The following WASHC2A variants were observed in gnomAD, a reference collection of about 807,000 sequenced individuals.
The protein encoded by WASHC2A is WASH complex subunit FAM21A.
In WASHC2A, 82 loss-of-function variants were observed where a neutral mutation model predicts 140.3. That is an observed-to-expected ratio of 0.58 (90% CI 0.49 to 0.70). The LOEUF (loss-of-function observed/expected upper bound fraction) is 0.70, where lower values mean the gene tolerates loss of function less well. WASHC2A is among the 30% of genes least tolerant of loss of function. The pLI, the probability that WASHC2A is intolerant of heterozygous loss-of-function variation, is 0.00. For synonymous variants in WASHC2A, 340 were observed against 560.8 expected, an observed-to-expected ratio of 0.61 and a Z score of 5.56; for missense variants, 985 against 1,521.8, an observed-to-expected ratio of 0.65 and a Z score of 5.87.
At chr10:50,070,418 C>T (rs1837695708) in intron 3 of WASHC2A, among the ~76,000 whole-genome samples, 1 of 152,136 alleles carries the variant, frequency 6.6e-6, no homozygotes, top group Non-Finnish European at 1.5e-5. Context: ...GGTGTCCCAA[C>T]TTTCTGAATA....
Position 50,129,773 on chromosome 10 carries a change from A to G in WASHC2A, c.3442A>G (p.Thr1148Ala). 2.5e-6 allele frequency: 4 copies of G among 1,612,058 alleles called. No individual in the cohort carries two copies. The highest frequency in any genetic ancestry group is 2.5e-6 in the Non-Finnish European group (3 of 1,179,870). Residue 1148 changes from threonine to alanine, a missense_variant, in exon 29 of 31, where the codon ACA becomes GCA. Thr to Ala is a moderately conservative substitution (Grantham distance 58). Transcript: ENST00000282633. ...CACTGGATCTCAGTCTGTGGAGAGA[A>G]CAAAACCCAAGGCAAAGATAGCAGA... ...TGTGSQSVER[T>A]KPKAKIAENP...
At chr10:50,128,398 G>A (rs1564811543) in intron 28 of WASHC2A, among the ~76,000 whole-genome samples, 1 of 152,148 alleles carries the variant, frequency 6.6e-6, no homozygotes, top group African/African-American at 2.4e-5. Context: ...TGCACTCCCC[G>A]CACCAAGTTC....
At chr10:50,131,951 G>A (rs1424848445) in intron 30 of WASHC2A, among the ~76,000 whole-genome samples, 2 of 152,240 alleles carry the variant, frequency 1.3e-5, no homozygotes, top group Non-Finnish European at 2.9e-5. Flanking sequence ...AGTTTGGTGT[G>A]TATCCTTTCA....
chr10:50,072,351 C>A (rs551001062), intron 3 of WASHC2A, among the ~76,000 whole-genome samples: 59 of 152,124 alleles, frequency 3.9e-4, no homozygotes, highest in Non-Finnish European at 7.3e-4. Context: ...ACTTCCCAGA[C>A]CTTCTATAAG....
intron 19 of WASHC2A, among the ~76,000 whole-genome samples, chr10:50,108,889 GAAAAAAAAAAAA>G (rs1182148936): frequency 1.9e-4 from 14 of 75,646 alleles, no homozygotes; most frequent in African/African-American, 6.4e-4. Context: ...CTCGAAAAAG[GAAAAAAAAAAAA>G]AAAAAAAAAA....
Position 50,087,389 on chromosome 10 carries a change from AT to A in WASHC2A, c.732+69del, listed in dbSNP as rs1368191609. On this transcript the variant is annotated intron_variant, in intron 8 of 30. Coordinates refer to ENST00000282633, the MANE Select transcript of WASHC2A (RefSeq NM_001005751.3). ...ATTGAAGCATAGTATATATACTAATATTACTTTGGAATGATTTATGACCAAG... is the reference window on the plus strand; with the variant it reads ...ATTGAAGCATAGTATATATACTAATATACTTTGGAATGATTTATGACCAAG... The A allele has an allele frequency of 4.9e-5, 79 of 1,599,076 alleles. No homozygotes were observed. In the Admixed American group the frequency reaches 8.9e-4, roughly 18 times the overall value.
In WASHC2A at chr10:50,110,230, G is replaced by A; in HGVS notation, c.1999G>A (p.Glu667Lys). The change falls in exon 20 of 31, where the codon GAA becomes AAA. Residue 667 changes from glutamate to lysine, a missense_variant. By Grantham distance (56) the Glu-to-Lys change is moderately conservative. Coordinates refer to ENST00000282633, the MANE Select transcript of WASHC2A (RefSeq NM_001005751.3). ...KAVKKTSLFE[E>K]DEEDDLFAIA... ...TGTGAAAAAGACCAGTCTCTTTGAGGAAGACGAAGAAGATGATCTTTTTGC... is the reference window on the plus strand; with the variant it reads ...TGTGAAAAAGACCAGTCTCTTTGAGAAAGACGAAGAAGATGATCTTTTTGC... The A allele has an allele frequency of 1.9e-6, 3 of 1,611,898 alleles. No individual in the cohort carries two copies. Among genetic ancestry groups the A allele is most frequent in the Non-Finnish European group, 2.5e-6 (3 of 1,179,844 alleles).
chr10:50,077,669 A>G (rs536396726), intron 3 of WASHC2A, among the ~76,000 whole-genome samples: 1 of 152,202 alleles, frequency 6.6e-6, no homozygotes, highest in African/African-American at 2.4e-5. Flanking sequence ...AAAAAATTTT[A>G]ATTTCATTTC....
chr10:50,084,676 G>A (rs1289337909), intron 6 of WASHC2A, among the ~76,000 whole-genome samples: 10 of 148,988 alleles, frequency 6.7e-5, no homozygotes, highest in Non-Finnish European at 1.0e-4. Context: ...TGATCTGCCC[G>A]CCTCGGCCTC....
intron 3 of WASHC2A, among the ~76,000 whole-genome samples, chr10:50,074,484 A>G (rs1554877140): frequency 1.3e-5 from 2 of 151,582 alleles, no homozygotes; most frequent in Admixed American, 6.6e-5. Flanking sequence ...TACCAAAGTA[A>G]TCCCTGATCT....
intron 13 of WASHC2A, among the ~76,000 whole-genome samples, chr10:50,094,763 C>T (rs1332679150): frequency 5.3e-5 from 8 of 150,942 alleles, no homozygotes; most frequent in Admixed American, 3.3e-4. Context: ...CATGTTTTTG[C>T]GGTTCTTTTT....
At chr10:50,105,582 G>A (rs1253333289) in intron 18 of WASHC2A, among the ~76,000 whole-genome samples, 2 of 146,426 alleles carry the variant, frequency 1.4e-5, no homozygotes, top group Non-Finnish European at 3.0e-5. Context: ...CTTCATCCAG[G>A]AAGACACTCC....
At chr10:50,073,370 A>T (rs1838030314) in intron 3 of WASHC2A, among the ~76,000 whole-genome samples, 1 of 152,140 alleles carries the variant, frequency 6.6e-6, no homozygotes, top group East Asian at 1.9e-4. Flanking sequence ...CTTGGCAATG[A>T]CCTTGAGCAG....
At chr10:50,098,310 A>G (rs1371151445) in intron 16 of WASHC2A, among the ~76,000 whole-genome samples, 1 of 152,040 alleles carries the variant, frequency 6.6e-6, no homozygotes, top group Non-Finnish European at 1.5e-5. Context: ...TATCTCGCAT[A>G]TAGTTCATAC....
chr10:50,099,294 G>A (rs1554885768), intron 16 of WASHC2A, among the ~76,000 whole-genome samples: 1 of 148,724 alleles, frequency 6.7e-6, no homozygotes, highest in South Asian at 2.1e-4. Context: ...TTATGAGACA[G>A]GGTCTTGCTC....
rs1403369467 is a variant in WASHC2A at position 50,106,418 on chromosome 10, C to G, written c.1822C>G (p.Leu608Val). The G allele has an allele frequency of 1.9e-6, 3 of 1,611,922 alleles. No individual in the cohort carries two copies. The highest frequency in any genetic ancestry group is 2.5e-6 in the Non-Finnish European group (3 of 1,179,834). Residue 608 changes from leucine (L) to valine (V), a missense_variant, in exon 19 of 31, where the codon CTC becomes GTC. By Grantham distance (32) the Leu-to-Val change is conservative (BLOSUM62 1). Transcript: ENST00000282633. ...AGAAGAGAAAGCAAAAGCCTCCGAG[C>G]TCTCCAAAAAGAAAGCATCTGCCCT... ...QREEKAKASE[L>V]SKKKASALLF...
At position 50,103,687 on chromosome 10, in the gene WASHC2A, C is replaced by T. The variant is rs537249642; in HGVS notation, c.1636-355C>T. ...TATTGACCCTGTCTAATCTTTGATT[C>T]TTTAGACGGTAATGGGAAGCCATGC... On this transcript the variant is annotated intron_variant, in intron 17 of 30. Transcript: ENST00000282633. Among the ~76,000 whole-genome samples the T allele has an allele frequency of 9.8e-5, 15 of 152,320 alleles. No homozygotes were observed. The South Asian group carries it at 3.1e-3, about 32-fold the overall frequency.
chr10:50,130,264 A>G (rs1215945017), intron 29 of WASHC2A, among the ~76,000 whole-genome samples: 9 of 149,484 alleles, frequency 6.0e-5, no homozygotes, highest in Non-Finnish European at 1.2e-4. Flanking sequence ...ATGATCATTG[A>G]TACTGGTCTT....
At chr10:50,094,555 C>T (rs1840264103) in intron 13 of WASHC2A, among the ~76,000 whole-genome samples, 1 of 152,166 alleles carries the variant, frequency 6.6e-6, no homozygotes, top group Non-Finnish European at 1.5e-5. Context: ...GTTCTTGGGA[C>T]TTGGGAATTA....
Sources: gnomAD v4.1 joint callset for allele counts (sites outside exome capture counted in the v4.1 genomes callset) on GRCh38, gnomAD v4.1.1 for gene constraint, MANE v1.5 for transcripts, NCBI Gene and HGNC (gene_info 2026-07-23, HGNC 2026-07-21) for gene names.